C8orf34: variants seen among roughly 807,000 people sequenced by gnomAD.
C8orf34 encodes chromosome 8 open reading frame 34, also known as uncharacterized protein C8orf34.
A neutral mutation model predicts 68.3 loss-of-function variants in C8orf34; 65 were observed. That is an observed-to-expected ratio of 0.95 (90% CI 0.78 to 1.17). The LOEUF (loss-of-function observed/expected upper bound fraction) is 1.17. Among genes scored for constraint, C8orf34 ranks in the 50% most tolerant of loss-of-function variants. C8orf34 has a pLI of 0.00. For synonymous variants in C8orf34, 244 were observed against 241.2 expected (o/e 1.01, Z -0.11); for missense variants, 664 against 655.4 (o/e 1.01, Z -0.14).
chr8:68,680,116 A>T (rs554359784), intron 8 of C8orf34, among the ~76,000 whole-genome samples: 252 of 152,296 alleles, frequency 1.7e-3, no homozygotes, highest in African/African-American at 5.8e-3. Flanking sequence ...CAAAGGAAAC[A>T]ATCAACAAAG....
intron 10 of C8orf34, among the ~76,000 whole-genome samples, chr8:68,766,731 C>A (rs1040338010): frequency 7.2e-5 from 11 of 152,104 alleles, no homozygotes; most frequent in African/African-American, 2.7e-4. Flanking sequence ...TTGGACTTTA[C>A]AATTATGCTG....
chr8:68,642,427 C>T (rs146781997), intron 8 of C8orf34, among the ~76,000 whole-genome samples: 72 of 152,224 alleles, frequency 4.7e-4, no homozygotes, highest in Middle Eastern at 3.4e-3. Context: ...TATCAGTTGT[C>T]GAGAACTATA....
intron 1 of C8orf34, among the ~76,000 whole-genome samples, chr8:68,377,165 G>T (rs1807837634): frequency 6.6e-6 from 1 of 152,120 alleles, no homozygotes; most frequent in African/African-American, 2.4e-5. Context: ...GCTGAGATAG[G>T]AGGATCACTT....
At chr8:68,686,062 A>G (rs1202936596) in intron 8 of C8orf34, among the ~76,000 whole-genome samples, 1 of 152,052 alleles carries the variant, frequency 6.6e-6, no homozygotes, top group Non-Finnish European at 1.5e-5. Context: ...CTGGAAACAT[A>G]CAACCCTCCT....
intron 7 of C8orf34, among the ~76,000 whole-genome samples, chr8:68,569,317 G>A (rs750797789): frequency 1.3e-5 from 2 of 152,230 alleles, no homozygotes; most frequent in Non-Finnish European, 2.9e-5. Flanking sequence ...TGAGGCTGTC[G>A]CCTCTACATC....
intron 4 of C8orf34, among the ~76,000 whole-genome samples, chr8:68,479,351 G>T (rs1221031968): frequency 6.6e-6 from 1 of 151,730 alleles, no homozygotes; most frequent in African/African-American, 2.4e-5. Flanking sequence ...CATCATTTTG[G>T]TCTGATTTCC....
At chr8:68,471,837 G>A (rs1425151132) in intron 4 of C8orf34, among the ~76,000 whole-genome samples, 1 of 151,546 alleles carries the variant, frequency 6.6e-6, no homozygotes, top group African/African-American at 2.4e-5. Context: ...TATTTTTTTA[G>A]TTGAGATTGA....
At chr8:68,549,594 TA>T (rs973671607) in intron 7 of C8orf34, among the ~76,000 whole-genome samples, 39 of 151,862 alleles carry the variant, frequency 2.6e-4, no homozygotes, top group African/African-American at 8.9e-4. Context: ...TTTTTATATA[TA>T]AAAATCATGT....
At chr8:68,495,070 G>A (rs1389733103) in intron 5 of C8orf34, among the ~76,000 whole-genome samples, 1 of 151,640 alleles carries the variant, frequency 6.6e-6, no homozygotes, top group East Asian at 1.9e-4. Flanking sequence ...TTCCCCCGGA[G>A]GTCTCAATAG....
chr8:68,723,439 A>G (rs1821730815), intron 10 of C8orf34, among the ~76,000 whole-genome samples: 1 of 152,124 alleles, frequency 6.6e-6, no homozygotes, highest in South Asian at 2.1e-4. Context: ...GAGTTATGCC[A>G]CAACCAAAGC....
chr8:68,740,085 C>A (rs1245110885), intron 10 of C8orf34, among the ~76,000 whole-genome samples: 1 of 152,132 alleles, frequency 6.6e-6, no homozygotes, highest in Admixed American at 6.6e-5. Flanking sequence ...TTTCCTTATA[C>A]CATCTGCAAA....
rs188568414 is a variant in C8orf34 at position 68,567,255 on chromosome 8, G to T, written c.1105+34106G>T. On this transcript the variant is annotated intron_variant, in intron 7 of 13. Transcript: ENST00000518698. ...CAATTCTGCTGTGAATCTATCTGGT[G>T]CTGGACTTTTTTTTGTTGGTAATTT... is the stretch of plus-strand genomic sequence containing the variant. Among the ~76,000 whole-genome samples the T allele has an allele frequency of 5.7e-3, 866 of 152,150 alleles. 17 individuals carry two copies. Among genetic ancestry groups the T allele is most frequent in the African/African-American group, 0.02 (834 of 41,506 alleles).
rs1818365359 is a variant in C8orf34 at position 68,620,759 on chromosome 8, TAA to T, written c.1106-19616_1106-19615del. Among the ~76,000 whole-genome samples, 5 of 149,784 alleles carry T rather than the reference TAA, an allele frequency of 3.3e-5. No individual in the cohort carries two copies. The South Asian group carries it at 1.0e-3, about 31-fold the overall frequency. On this transcript the variant is annotated intron_variant, in intron 7 of 13. Coordinates refer to ENST00000518698, the MANE Select transcript of C8orf34 (RefSeq NM_052958.4). ...AGAAGATAACTGTAGATGGCAGATATAAGTGTCCATTAATTTAGTTTTAGCTT... is the reference window on the plus strand; with the variant it reads ...AGAAGATAACTGTAGATGGCAGATATGTGTCCATTAATTTAGTTTTAGCTT...
intron 4 of C8orf34, among the ~76,000 whole-genome samples, chr8:68,481,535 T>A (rs1174334780): frequency 1.3e-5 from 2 of 152,188 alleles, no homozygotes; most frequent in Non-Finnish European, 2.9e-5. Context: ...AGCCAGCCCA[T>A]GGCAGCAGCC....
At chr8:68,800,286 A>G (rs1824293934) in intron 12 of C8orf34, among the ~76,000 whole-genome samples, 1 of 152,130 alleles carries the variant, frequency 6.6e-6, no homozygotes, top group African/African-American at 2.4e-5. Context: ...GTTCTAAACT[A>G]CCTCTGCACT....
Position 68,342,720 on chromosome 8 carries a change from C to T in C8orf34, c.327+11381C>T, listed in dbSNP as rs111768871. Among the ~76,000 whole-genome samples, 15 of 152,288 alleles carry T rather than the reference C, an allele frequency of 9.8e-5. 2 individuals are homozygous for T. Among genetic ancestry groups the T allele is most frequent in the African/African-American group, 3.4e-4 (14 of 41,564 alleles). The stretch of plus-strand genomic sequence containing the variant: ...ATTCCACCCACCCACCTGTCAGTCA[C>T]TTAGTAGCAGTCTCAGTTATCAGAT... On this transcript the variant is annotated intron_variant, in intron 1 of 13. Transcript: ENST00000518698.
intron 7 of C8orf34, among the ~76,000 whole-genome samples, chr8:68,605,032 A>T (rs1787103937): frequency 6.6e-6 from 1 of 152,168 alleles, no homozygotes. Flanking sequence ...GGATCCAATT[A>T]AAAATTGGAC....
intron 4 of C8orf34, among the ~76,000 whole-genome samples, chr8:68,480,334 T>G (rs1812806104): frequency 6.6e-6 from 1 of 152,226 alleles, no homozygotes; most frequent in Non-Finnish European, 1.5e-5. Flanking sequence ...CTGAGGCCTC[T>G]CCAGCCATGT....
At chr8:68,372,639 A>G in intron 1 of C8orf34, among the ~76,000 whole-genome samples, 1 of 152,198 alleles carries the variant, frequency 6.6e-6, no homozygotes, top group East Asian at 1.9e-4. Context: ...TCTGGGATAC[A>G]TGTGCAGAAT....
Sources: allele counts gnomAD v4.1 joint callset (sites outside exome capture counted in the v4.1 genomes callset), GRCh38; gene constraint gnomAD v4.1.1; transcripts MANE v1.5; gene names NCBI Gene and HGNC (gene_info 2026-07-23, HGNC 2026-07-21).